Variants in LRP1B observed in about 807,000 individuals in gnomAD.
LRP1B encodes the protein LDL receptor related protein 1B.
A neutral mutation model predicts 556.6 loss-of-function variants in LRP1B; 217 were observed. The ratio of observed to expected loss-of-function variants is 0.39; its 90% CI spans 0.35 to 0.44. The LOEUF (loss-of-function observed/expected upper bound fraction) is 0.44. Ranked by LOEUF, LRP1B falls within the 20% of genes least tolerant of loss-of-function variation. The pLI is 1.00. For missense variants in LRP1B, 5,053 were observed against 5,620.8 expected, an observed-to-expected ratio of 0.90 and a Z score of 3.23; for synonymous variants, 2,047 against 1,865.8, an observed-to-expected ratio of 1.10 and a Z score of -2.50.
At chr2:140,417,508 T>C (rs1685250137) in intron 66 of LRP1B, among the ~76,000 whole-genome samples, 1 of 152,244 alleles carries the variant, frequency 6.6e-6, no homozygotes, top group Non-Finnish European at 1.5e-5. Flanking sequence ...AGGCTTGTTT[T>C]TGTGCAATAC....
intron 83 of LRP1B, among the ~76,000 whole-genome samples, chr2:140,311,277 T>TACGTGTTCAGCGAATGACTGACTGGATAA (rs1684288241): frequency 1.3e-5 from 2 of 151,840 alleles, no homozygotes; most frequent in Non-Finnish European, 2.9e-5. Flanking sequence ...GCAGTCAACC[T>TACGTGTTCAGCGAATGACTGACTGGATAA]ACGTGTTCAG....
At chr2:140,951,982 G>C (rs766042867) in intron 18 of LRP1B, 42 bp from the exon 19 acceptor site, 2 of 1,308,522 alleles carry the variant, frequency 1.5e-6, no homozygotes, top group Admixed American at 1.7e-5. Flanking sequence ...ACATGTTATT[G>C]ACTGTGCATG....
At chr2:142,114,785 G>T (rs1452334811) in intron 1 of LRP1B, among the ~76,000 whole-genome samples, 2 of 152,036 alleles carry the variant, frequency 1.3e-5, no homozygotes, top group African/African-American at 4.8e-5. Context: ...AGAGTAGCTG[G>T]TTAATGATTA....
intron 11 of LRP1B, among the ~76,000 whole-genome samples, chr2:141,044,077 G>A (rs936594134): frequency 2.0e-5 from 3 of 151,780 alleles, no homozygotes; most frequent in African/African-American, 7.3e-5. Flanking sequence ...CAGAGATATA[G>A]ATCAATGGAA....
chr2:141,036,417 A>G (rs1698533823), intron 11 of LRP1B, among the ~76,000 whole-genome samples: 1 of 152,016 alleles, frequency 6.6e-6, no homozygotes, highest in South Asian at 2.1e-4. Flanking sequence ...ATGAAACCCC[A>G]TCCAATCCTG....
chr2:141,525,711 G>A (rs1221461423), intron 2 of LRP1B, among the ~76,000 whole-genome samples: 1 of 151,842 alleles, frequency 6.6e-6, no homozygotes, highest in African/African-American at 2.4e-5. Flanking sequence ...ACTGGTCATA[G>A]GAGAAAATAC....
At chr2:140,359,008 T>A (rs1366231585) in intron 72 of LRP1B, 62 bp from the exon 73 acceptor site, 1 of 1,478,858 alleles carries the variant, frequency 6.8e-7, no homozygotes, top group Non-Finnish European at 9.2e-7. Context: ...TGAAGAACAT[T>A]CTTCCTTTTT....
chr2:141,287,347 G>A (rs535485069), intron 3 of LRP1B, among the ~76,000 whole-genome samples: 1 of 146,188 alleles, frequency 6.8e-6, no homozygotes, highest in East Asian at 2.0e-4. Flanking sequence ...TTTTGAGACA[G>A]AGTCTCACTC....
At chr2:140,556,675 A>C (rs1055437891) in intron 43 of LRP1B, among the ~76,000 whole-genome samples, 1 of 152,080 alleles carries the variant, frequency 6.6e-6, no homozygotes, top group Non-Finnish European at 1.5e-5. Flanking sequence ...TCGTCCCTAC[A>C]TCTGTTTGAA....
chr2:142,082,091 T>A (rs1705739737), intron 1 of LRP1B, among the ~76,000 whole-genome samples: 1 of 152,208 alleles, frequency 6.6e-6, no homozygotes, highest in Non-Finnish European at 1.5e-5. Context: ...TGAAATAATA[T>A]TATAATTTGG....
intron 23 of LRP1B, chr2:140,898,626 C>A (rs187853802): frequency 2.7e-6 from 1 of 365,682 alleles, no homozygotes; most frequent in Non-Finnish European, 5.4e-6. Context: ...AGAACCTCCC[C>A]CTGAACAACA....
chr2:140,971,611 CACG>C (rs1696427186), intron 18 of LRP1B, among the ~76,000 whole-genome samples: 1 of 152,136 alleles, frequency 6.6e-6, no homozygotes, highest in Admixed American at 6.5e-5. Flanking sequence ...ATGGGCAGAT[CACG>C]ACAAGGTCAG....
At chr2:140,915,813 G>T (rs922872476) in intron 21 of LRP1B, among the ~76,000 whole-genome samples, 43 of 152,066 alleles carry the variant, frequency 2.8e-4, no homozygotes, top group African/African-American at 8.9e-4. Context: ...CAGCTCACGA[G>T]GTCAGGAGAT....
intron 14 of LRP1B, 88 bp from the exon 15 acceptor site, chr2:141,005,545 T>TAC: frequency 1.7e-6 from 2 of 1,158,202 alleles, no homozygotes; most frequent in African/African-American, 1.5e-5. Flanking sequence ...CATACACTTA[T>TAC]ATATGCTATG....
intron 2 of LRP1B, among the ~76,000 whole-genome samples, chr2:141,687,457 G>A (rs571705115): frequency 6.6e-6 from 1 of 151,946 alleles, no homozygotes; most frequent in South Asian, 2.1e-4. Context: ...TTGCTACTTA[G>A]CCATGTTTTC....
chr2:141,601,534 C>T (rs1363331509), intron 2 of LRP1B, among the ~76,000 whole-genome samples: 2 of 152,040 alleles, frequency 1.3e-5, no homozygotes, highest in African/African-American at 2.4e-5. Flanking sequence ...TATTTTTCTA[C>T]CTTTTAATAC....
At chr2:141,924,288 G>T (rs568325767) in intron 1 of LRP1B, among the ~76,000 whole-genome samples, 1 of 152,096 alleles carries the variant, frequency 6.6e-6, no homozygotes, top group African/African-American at 2.4e-5. Flanking sequence ...TCAAGGAGGA[G>T]TTTGGCTGCT....
At chr2:141,715,892 G>T (rs1692566594) in intron 2 of LRP1B, among the ~76,000 whole-genome samples, 1 of 152,146 alleles carries the variant, frequency 6.6e-6, no homozygotes, top group Admixed American at 6.6e-5. Flanking sequence ...TTGTTTCAAA[G>T]ACTGTGGTTG....
At chr2:140,803,005 T>C (rs1690568143) in intron 32 of LRP1B, among the ~76,000 whole-genome samples, 1 of 152,158 alleles carries the variant, frequency 6.6e-6, no homozygotes, top group African/African-American at 2.4e-5. Context: ...CTAGGTCTCT[T>C]CCCATTCTAG....
Sources: gnomAD v4.1 joint callset for allele counts (sites outside exome capture counted in the v4.1 genomes callset) on GRCh38, gnomAD v4.1.1 for gene constraint, MANE v1.5 for transcripts, NCBI Gene and HGNC (gene_info 2026-07-23, HGNC 2026-07-21) for gene names.